Variants in MAMDC2 observed in about 807,000 individuals in gnomAD.
The protein encoded by MAMDC2 is MAM domain-containing protein 2.
A neutral mutation model predicts 89.8 loss-of-function variants in MAMDC2; 57 were observed. The observed-to-expected ratio is 0.63, with a 90% CI of 0.51 to 0.79. The LOEUF (loss-of-function observed/expected upper bound fraction) is 0.79, where lower values mean the gene tolerates loss of function less well. Among genes scored for constraint, MAMDC2 ranks in the 30% least tolerant of loss-of-function variants. The pLI, the probability that MAMDC2 is intolerant of heterozygous loss-of-function variation, is 0.00. For synonymous variants in MAMDC2, 313 were observed against 293.4 expected, an observed-to-expected ratio of 1.07 and a Z score of -0.68; for missense variants, 800 against 820.6, an observed-to-expected ratio of 0.97 and a Z score of 0.31.
chr9:70,117,659 T>C (rs1299094913), intron 5 of MAMDC2, among the ~76,000 whole-genome samples: 1 of 152,186 alleles, frequency 6.6e-6, no homozygotes, highest in Non-Finnish European at 1.5e-5. Flanking sequence ...TCAAAGAGTT[T>C]ACAGGAACCA....
chr9:70,225,944 T>C (rs1302736802), intron 13 of MAMDC2, 24 bp from the exon 14 acceptor site: 3 of 1,510,686 alleles, frequency 2.0e-6, no homozygotes, highest in African/African-American at 2.8e-5. Context: ...AATACTGTTA[T>C]TGTATATTTG....
intron 8 of MAMDC2, among the ~76,000 whole-genome samples, chr9:70,142,437 G>A (rs1374360649): frequency 2.0e-5 from 3 of 152,146 alleles, no homozygotes; most frequent in Non-Finnish European, 4.4e-5. Flanking sequence ...CCACTGAGAG[G>A]TTTTAAGCAG....
At chr9:70,158,118 C>T (rs1251088463) in intron 9 of MAMDC2, among the ~76,000 whole-genome samples, 9 of 152,072 alleles carry the variant, frequency 5.9e-5, no homozygotes, top group African/African-American at 9.7e-5. Flanking sequence ...CCATCATGTA[C>T]AGCTAATTTT....
intron 11 of MAMDC2, among the ~76,000 whole-genome samples, chr9:70,173,563 T>G (rs1388525666): frequency 6.6e-6 from 1 of 152,202 alleles, no homozygotes. Context: ...CTAGATGTTA[T>G]GTGTATGTGT....
At chr9:70,093,103 A>T (rs939036419) in intron 2 of MAMDC2, among the ~76,000 whole-genome samples, 7 of 152,148 alleles carry the variant, frequency 4.6e-5, no homozygotes, top group Non-Finnish European at 1.0e-4. Context: ...ATATTTATTT[A>T]TGTATCTGTA....
chr9:70,197,800 C>T (rs1587561809), intron 11 of MAMDC2, among the ~76,000 whole-genome samples: 1 of 152,122 alleles, frequency 6.6e-6, no homozygotes, highest in African/African-American at 2.4e-5. Flanking sequence ...GACATCCAGC[C>T]ATCCACATCG....
intron 11 of MAMDC2, among the ~76,000 whole-genome samples, chr9:70,200,397 T>C (rs1358645310): frequency 2.0e-5 from 3 of 148,072 alleles, no homozygotes; most frequent in Admixed American, 6.7e-5. Context: ...CTCTGTTCTG[T>C]TCCATTGATC....
chr9:70,208,057 C>T (rs11791792), intron 11 of MAMDC2, among the ~76,000 whole-genome samples: 11,806 of 152,052 alleles, frequency 0.078, 553 homozygotes, highest in East Asian at 0.14. Flanking sequence ...GTTTGCAGTC[C>T]GGTAGCGTAA....
At chr9:70,174,155 G>A (rs1245475873) in intron 11 of MAMDC2, among the ~76,000 whole-genome samples, 1 of 152,092 alleles carries the variant, frequency 6.6e-6, no homozygotes. Flanking sequence ...ATAAGACCTG[G>A]CATATGACAA....
intron 2 of MAMDC2, among the ~76,000 whole-genome samples, chr9:70,103,157 A>C (rs1828239675): frequency 6.6e-6 from 1 of 152,212 alleles, no homozygotes; most frequent in Non-Finnish European, 1.5e-5. Flanking sequence ...GGCTTATAAC[A>C]TTCAGGAGCA....
chr9:70,141,669 G>A (rs2031227770), intron 8 of MAMDC2, among the ~76,000 whole-genome samples: 1 of 152,062 alleles, frequency 6.6e-6, no homozygotes, highest in Non-Finnish European at 1.5e-5. Context: ...AAACAATGAA[G>A]ACCCAAAGAA....
intron 2 of MAMDC2, among the ~76,000 whole-genome samples, chr9:70,047,689 C>A (rs1007706848): frequency 5.3e-5 from 8 of 152,122 alleles, no homozygotes; most frequent in Non-Finnish European, 4.4e-5. Context: ...TCTTATATGT[C>A]CATGGTCCGT....
chr9:70,174,161 G>C (rs2032429935), intron 11 of MAMDC2, among the ~76,000 whole-genome samples: 1 of 152,168 alleles, frequency 6.6e-6, no homozygotes, highest in Admixed American at 6.5e-5. Flanking sequence ...CCTGGCATAT[G>C]ACAATTAATT....
chr9:70,158,354 C>T (rs750651197), intron 9 of MAMDC2, among the ~76,000 whole-genome samples: 1 of 151,958 alleles, frequency 6.6e-6, no homozygotes, highest in Non-Finnish European at 1.5e-5. Context: ...TGTATTTATA[C>T]TGTACACTGT....
At chr9:70,175,399 G>A (rs925032055) in intron 11 of MAMDC2, among the ~76,000 whole-genome samples, 4 of 152,178 alleles carry the variant, frequency 2.6e-5, no homozygotes, top group Non-Finnish European at 5.9e-5. Context: ...AAAGAGCAAC[G>A]TTCTGAGTAG....
rs1172760346 is a variant in MAMDC2, at chr9:70,132,867, A to C, written c.994+1255A>C. ...AGCTAAACTGTTACCCCAAAACTAG[A>C]CAGCAATCTACTAATTTGCTGAAAT... is the stretch of plus-strand genomic sequence containing the variant. On this transcript the variant is annotated intron_variant, in intron 7 of 13. Transcript: ENST00000377182. Among the ~76,000 whole-genome samples the C allele has an allele frequency of 4.6e-5, 7 of 152,296 alleles. No homozygotes were observed. The East Asian group carries it at 9.7e-4, about 21-fold the overall frequency.
chr9:70,151,540 T>C (rs1247979174), intron 9 of MAMDC2, among the ~76,000 whole-genome samples: 1 of 152,148 alleles, frequency 6.6e-6, no homozygotes, highest in Non-Finnish European at 1.5e-5. Context: ...TGGGTGGACT[T>C]TCTAGGGTTG....
intron 2 of MAMDC2, chr9:70,062,568 GAC>G (rs1827173260): frequency 6.6e-6 from 1 of 152,124 alleles, no homozygotes; most frequent in South Asian, 2.1e-4. Flanking sequence ...TTGTATTTGG[GAC>G]ACTACTTAGC....
chr9:70,132,841 G>A (rs756260308), intron 7 of MAMDC2, among the ~76,000 whole-genome samples: 1 of 152,068 alleles, frequency 6.6e-6, no homozygotes, highest in African/African-American at 2.4e-5. Flanking sequence ...TTTTCAACTT[G>A]AGCTAAACTG....
Sources: allele counts gnomAD v4.1 joint callset (sites outside exome capture counted in the v4.1 genomes callset), GRCh38; gene constraint gnomAD v4.1.1; transcripts MANE v1.5; gene names NCBI Gene and HGNC (gene_info 2026-07-23, HGNC 2026-07-21).